Variants in DSP observed in about 807,000 individuals in gnomAD.
The protein encoded by DSP is 250/210 kDa paraneoplastic pemphigus antigen.
Under a neutral mutation model 290.6 loss-of-function variants are expected in DSP, and 114 were observed. The ratio of observed to expected loss-of-function variants is 0.39; its 90% CI spans 0.34 to 0.46. The LOEUF is 0.46. Among genes scored for constraint, DSP ranks in the 20% least tolerant of loss-of-function variants. The probability of loss-of-function intolerance (pLI) is 0.99; values close to 1 mark genes in which losing one functional copy is unlikely to be tolerated. For missense variants in DSP, 3,230 were observed against 3,495.8 expected, an observed-to-expected ratio of 0.92 and a Z score of 1.92; for synonymous variants, 1,311 against 1,316.4, an observed-to-expected ratio of 1.00 and a Z score of 0.09.
rs2806226 is a variant in DSP, at chr6:7,579,161, A to G, written c.3085-114A>G. The G allele has an allele frequency of 0.7, 993,707 of 1,414,008 alleles. 350,624 individuals are homozygous for G. Among genetic ancestry groups the G allele is most frequent in the East Asian group, 0.81 (33,017 of 40,654 alleles). The allele number at this position is 1,414,008 out of a possible 1,614,324, so 87.6% of individuals were successfully genotyped here. On this transcript the variant is annotated intron_variant, in intron 22 of 23. Transcript: ENST00000379802. This position sits in a 1 kb window ranked among gnomAD's most constrained non-coding sequence, Gnocchi z 4.1. ...CTAGTCACTCTTTGCATGTATGTCC[A>G]TGTGTGTAAAGAGAAATAAGAATGC...
chr6:7,542,493 A>G (rs1466729890), intron 1 of DSP, among the ~76,000 whole-genome samples: 1 of 152,084 alleles, frequency 6.6e-6, no homozygotes, highest in African/African-American at 2.4e-5. Flanking sequence ...AGAGGAAAGG[A>G]GCGGGGCCCC....
rs765837163 is a variant in DSP, at chr6:7,575,396, T to C, written c.2538T>C (p.Tyr846=). ...TCCACTCTCAGACTTCACAGCAGTA[T>C]CCACTTTATGATCTGGACTTGGGCA... ...QQIHSQTSQQ[Y]PLYDLDLGKF... Residue 846 remains tyrosine, a synonymous_variant, in exon 18 of 24, where the codon TAT becomes TAC. Coordinates refer to ENST00000379802, the MANE Select transcript of DSP (RefSeq NM_004415.4). The C allele has an allele frequency of 6.2e-7, 1 of 1,614,142 alleles. No individual in the cohort carries two copies. Among genetic ancestry groups the C allele is most frequent in the Non-Finnish European group, 8.5e-7 (1 of 1,180,036 alleles).
chr6:7,543,179 T>G (rs889794578), intron 1 of DSP, among the ~76,000 whole-genome samples: 1 of 152,042 alleles, frequency 6.6e-6, no homozygotes, highest in African/African-American at 2.4e-5. Context: ...CCCTGCTAGT[T>G]GTTCCCACGT....
intron 20 of DSP, 110 bp downstream of exon 20, chr6:7,577,152 T>C: frequency 1.2e-6 from 1 of 802,398 alleles, no homozygotes; most frequent in Non-Finnish European, 2.0e-6. Flanking sequence ...GCAATTACGG[T>C]CTGTATATAT....
In DSP at chr6:7,583,183, A is replaced by T. The variant is rs748568342; in HGVS notation, c.5921A>T (p.Lys1974Met). The T allele has an allele frequency of 6.2e-7, 1 of 1,614,136 alleles. No homozygotes were observed. Among genetic ancestry groups the T allele is most frequent in the Non-Finnish European group, 8.5e-7 (1 of 1,180,024 alleles). ...CTGGTGTTTGATGGGCTGAGGAAGA[A>T]GGTGACAGCAATGCAGCTCTATGAG... ...SKLVFDGLRK[K>M]VTAMQLYECQ... The change falls in exon 24 of 24, where the codon AAG becomes ATG. Residue 1974 changes from lysine to methionine, a missense_variant. Coordinates refer to ENST00000379802, the MANE Select transcript of DSP (RefSeq NM_004415.4). The surrounding 1 kb of genome is among the most constrained non-coding windows in gnomAD (Gnocchi z 4.0).
At position 7,569,216 on chromosome 6, in the gene DSP, C is replaced by G; in HGVS notation, c.1450C>G (p.Leu484Val). The G allele has an allele frequency of 1.2e-6, 2 of 1,614,200 alleles. No individual in the cohort carries two copies. The highest frequency in any genetic ancestry group is 1.7e-6 in the Non-Finnish European group (2 of 1,180,040). ...KIVHKGDECI[L>V]KDNNERSKWY... is the part of the protein sequence containing the mutation. ...CGTGCATAAGGGGGATGAGTGTATC[C>G]TGAAGGACAACAACGAGCGCAGCAA... is the stretch of plus-strand genomic sequence containing the variant. Residue 484 changes from leucine to valine, a missense_variant, in exon 12 of 24, where the codon CTG becomes GTG. Physicochemically the swap from Leu to Val is conservative, Grantham distance 32. Coordinates refer to ENST00000379802, the MANE Select transcript of DSP (RefSeq NM_004415.4).
At position 7,558,134 on chromosome 6, in the gene DSP, G is replaced by T; in HGVS notation, c.292G>T (p.Gly98Ter). 1 of 1,614,214 alleles carries T rather than the reference G, an allele frequency of 6.2e-7. No homozygotes were observed. Among genetic ancestry groups the T allele is most frequent in the South Asian group, 1.1e-5 (1 of 91,086 alleles). The change falls in exon 3 of 24, where the codon GGA (glycine) becomes TGA (stop). Residue 98 changes from glycine to a stop codon, truncating the protein, a stop_gained. Coordinates refer to ENST00000379802, the MANE Select transcript of DSP (RefSeq NM_004415.4). LOFTEE classifies it high-confidence loss of function. The part of the protein sequence containing the change: ...IVQPELKYGD[G>*]IQLTRSRELD... ...CTTTCAGGAATTGAAGTATGGAGATGGAATACAACTGACTCGGAGTCGAGA... is the reference window on the plus strand; with the variant it reads ...CTTTCAGGAATTGAAGTATGGAGATTGAATACAACTGACTCGGAGTCGAGA...
At chr6:7,547,290 A>G (rs959325698) in intron 1 of DSP, among the ~76,000 whole-genome samples, 1 of 152,050 alleles carries the variant, frequency 6.6e-6, no homozygotes, top group Admixed American at 6.5e-5. Flanking sequence ...GTGCAGTCCA[A>G]TAATTTATGG....
chr6:7,574,305 C>T, intron 16 of DSP, 53 bp downstream of exon 16: 1 of 1,565,572 alleles, frequency 6.4e-7, no homozygotes, highest in Non-Finnish European at 8.8e-7. Context: ...GCTTCTTTTT[C>T]TGGGTCTTCA....
intron 1 of DSP, among the ~76,000 whole-genome samples, chr6:7,548,990 G>A (rs74816192): frequency 0.014 from 2,057 of 152,296 alleles, 25 homozygotes; most frequent in Non-Finnish European, 0.023. Context: ...TGCTCTCCAG[G>A]AGCAGGTAGC....
At chr6:7,542,955 G>A (rs1395211480) in intron 1 of DSP, among the ~76,000 whole-genome samples, 1 of 152,176 alleles carries the variant, frequency 6.6e-6, no homozygotes, top group African/African-American at 2.4e-5. Flanking sequence ...GGGTGGGAGA[G>A]GACGACGCTG....
Position 7,582,931 on chromosome 6 carries a change from G to C in DSP, c.5669G>C (p.Arg1890Thr), listed in dbSNP as rs765366591. 3.1e-6 allele frequency: 5 copies of C among 1,614,134 alleles called. No homozygotes were observed. Among genetic ancestry groups the C allele is most frequent in the Non-Finnish European group, 4.2e-6 (5 of 1,180,034 alleles). Reference protein sequence around the residue: ...KIESEREKSEREKNSLRSEIE... With the variant: ...KIESEREKSETEKNSLRSEIE... ...GAATCGGAAAGAGAAAAGAGTGAGA[G>C]AGAGAAGAACAGTCTTAGGAGTGAG... Residue 1890 changes from arginine (R) to threonine (T), a missense_variant, in exon 24 of 24, where the codon AGA becomes ACA. Transcript: ENST00000379802. The surrounding 1 kb of genome is among the most constrained non-coding windows in gnomAD (Gnocchi z 4.2).
Position 7,585,225 on chromosome 6 carries a change from G to T in DSP, c.7963G>T (p.Ala2655Ser), listed in dbSNP as rs775658001. 1.2e-6 allele frequency: 2 copies of T among 1,614,164 alleles called. No individual in the cohort carries two copies. Among genetic ancestry groups the T allele is most frequent in the South Asian group, 2.2e-5 (2 of 91,076 alleles). ...ITGQRLLEAQACTGGIIHPTT... is the reference protein window; with the variant it reads ...ITGQRLLEAQSCTGGIIHPTT... ...GGGTCAGAGGCTTCTGGAGGCTCAG[G>T]CCTGCACAGGTGGCATCATCCACCC... The change falls in exon 24 of 24, where the codon GCC becomes TCC. Residue 2655 changes from alanine (A) to serine (S), a missense_variant. Around this residue, in one of 5 missense-constraint regions of DSP, gnomAD observed 582 missense variants for 555.4 expected, o/e 1.05. Transcript: ENST00000379802.
intron 1 of DSP, among the ~76,000 whole-genome samples, chr6:7,548,141 C>A (rs574822028): frequency 6.6e-6 from 1 of 151,950 alleles, no homozygotes; most frequent in Admixed American, 6.6e-5. Flanking sequence ...GTGGCGGGCT[C>A]CTGTAGTCGC....
intron 5 of DSP, 87 bp from the exon 6 acceptor site, chr6:7,563,649 C>G: frequency 9.5e-7 from 1 of 1,054,502 alleles, no homozygotes; most frequent in South Asian, 1.3e-5. Context: ...AGGCCAGTAT[C>G]TGAAGAAAAG....
rs948691226 is a variant in DSP at position 7,586,529 on chromosome 6, CTT to C, written c.*653_*654del. The C allele has an allele frequency of 6.6e-6, 1 of 152,070 alleles. No individual in the cohort carries two copies. Among genetic ancestry groups the C allele is most frequent in the Non-Finnish European group, 1.5e-5 (1 of 68,032 alleles). 9.4% of individuals were successfully genotyped at this position (152,070 alleles called of 1,614,324 possible). ...TCATATTCGATGTACTTTAAGGTGTCTTTATGAAGTTTGCTATTCTGGCAATA... is the reference window on the plus strand; with the variant it reads ...TCATATTCGATGTACTTTAAGGTGTCTATGAAGTTTGCTATTCTGGCAATA... On this transcript the variant is annotated 3_prime_UTR_variant, in exon 24 of 24. Coordinates refer to ENST00000379802, the MANE Select transcript of DSP (RefSeq NM_004415.4).
rs188516326 is a variant in DSP at position 7,555,816 on chromosome 6, A to G, written c.269A>G (p.Gln90Arg). 1.9e-4 allele frequency: 304 copies of G among 1,613,836 alleles called. 1 individual carries two copies. The East Asian group carries it at 5.4e-3, about 29-fold the overall frequency. The part of the protein sequence containing the change: ...DCLMRAELIV[Q>R]PELKYGDGIQ... ...TTGATGCGAGCAGAGCTCATCGTGC[A>G]GCCTGTAAGCTTTCCCTGTTCCCAT... The change falls in exon 2 of 24, where the codon CAG becomes CGG. Residue 90 changes from glutamine (Q) to arginine (R), a missense_variant. Coordinates refer to ENST00000379802, the MANE Select transcript of DSP (RefSeq NM_004415.4).
rs794728111 is a variant in DSP, at chr6:7,567,779, A to G, written c.1141-2A>G. On this transcript the variant is annotated splice_acceptor_variant, in intron 9 of 23. Coordinates refer to ENST00000379802, the MANE Select transcript of DSP (RefSeq NM_004415.4). LOFTEE classifies it high-confidence loss of function. ...TTCACTGATCACTCTCATCCTTCACAGTTTTTTGAAGAGGCGCAGTCTACT... is the reference window on the plus strand; with the variant it reads ...TTCACTGATCACTCTCATCCTTCACGGTTTTTTGAAGAGGCGCAGTCTACT... 1 of 1,613,912 alleles carries G rather than the reference A, an allele frequency of 6.2e-7. No homozygotes were observed.
rs1759531388 is a variant in DSP, at chr6:7,583,664, A to G, written c.6402A>G (p.Val2134=). The G allele has an allele frequency of 3.1e-6, 5 of 1,614,068 alleles. No homozygotes were observed. The South Asian group carries it at 4.4e-5, about 14-fold the overall frequency. Residue 2134 remains valine, a synonymous_variant, in exon 24 of 24, where the codon GTA becomes GTG. Coordinates refer to ENST00000379802, the MANE Select transcript of DSP (RefSeq NM_004415.4). The surrounding 1 kb of genome is among the most constrained non-coding windows in gnomAD (Gnocchi z 4.0). ...AAGCCCAGATTGCTTCAGGGGGTGTAGTAGACCCTGTGAACAGTGTCTTTT... is the reference window on the plus strand; with the variant it reads ...AAGCCCAGATTGCTTCAGGGGGTGTGGTAGACCCTGTGAACAGTGTCTTTT... ...LLEAQIASGG[V]VDPVNSVFLP...
Sources: gnomAD v4.1 joint callset for allele counts (sites outside exome capture counted in the v4.1 genomes callset) on GRCh38, gnomAD v4.1.1 for gene constraint, gnomAD v4.1.1 regional missense constraint, Gnocchi (gnomAD v3.1) non-coding constraint, MANE v1.5 for transcripts, NCBI Gene and HGNC (gene_info 2026-07-23, HGNC 2026-07-21) for gene names.